The following GPC6 variants were observed in gnomAD, a reference collection of about 807,000 sequenced individuals.
GPC6 encodes the protein glypican-6.
GPC6 carries 14 observed loss-of-function variants against 55.2 expected under a neutral mutation model. The observed-to-expected ratio is 0.25, with a 90% CI of 0.17 to 0.40. GPC6 has a LOEUF of 0.40. Among genes scored for constraint, GPC6 ranks in the 10% least tolerant of loss-of-function variants. GPC6 has a pLI of 1.00. For synonymous variants in GPC6, 278 were observed against 259.6 expected (o/e 1.07, Z -0.68); for missense variants, 641 against 708.5 (o/e 0.90, Z 1.08).
chr13:94,178,882 G>C (rs1888886365), intron 4 of GPC6, among the ~76,000 whole-genome samples: 1 of 152,172 alleles, frequency 6.6e-6, no homozygotes, highest in Admixed American at 6.5e-5. Context: ...GAGTCCTCCT[G>C]CCTTGTTAGG....
At chr13:93,307,335 A>T (rs1427776878) in intron 1 of GPC6, among the ~76,000 whole-genome samples, 1 of 152,144 alleles carries the variant, frequency 6.6e-6, no homozygotes, top group Admixed American at 6.5e-5. Context: ...ATATATTAAT[A>T]TATCATTATC....
intron 2 of GPC6, among the ~76,000 whole-genome samples, chr13:93,685,249 C>T (rs1366687112): frequency 6.6e-6 from 1 of 152,188 alleles, no homozygotes; most frequent in Non-Finnish European, 1.5e-5. Context: ...AGCCAGGAAG[C>T]TTTGGCTGTT....
At chr13:93,843,531 G>A (rs528257342) in intron 3 of GPC6, among the ~76,000 whole-genome samples, 5 of 152,214 alleles carry the variant, frequency 3.3e-5, no homozygotes, top group African/African-American at 1.2e-4. Context: ...ATCTATGTCA[G>A]ATTAAAAACT....
intron 3 of GPC6, among the ~76,000 whole-genome samples, chr13:93,846,673 G>T (rs1055351091): frequency 6.6e-6 from 1 of 152,124 alleles, no homozygotes; most frequent in Non-Finnish European, 1.5e-5. Context: ...AATTAGCCAG[G>T]CATGATGGTG....
chr13:93,856,856 G>T (rs1210806339), intron 3 of GPC6, among the ~76,000 whole-genome samples: 1 of 151,536 alleles, frequency 6.6e-6, no homozygotes, highest in Non-Finnish European at 1.5e-5. Context: ...GGTTCATTGT[G>T]CCTCCATTTA....
At chr13:93,878,012 G>T (rs1264924948) in intron 3 of GPC6, among the ~76,000 whole-genome samples, 1 of 152,008 alleles carries the variant, frequency 6.6e-6, no homozygotes, top group Non-Finnish European at 1.5e-5. Context: ...TTATCTGGTA[G>T]GCAGAAGAAA....
chr13:93,393,127 T>TATATATAGAGAGAGAG (rs1230857277), intron 1 of GPC6, among the ~76,000 whole-genome samples: 1 of 87,612 alleles, frequency 1.1e-5, no homozygotes, highest in African/African-American at 3.9e-5. Context: ...TATATATATA[T>TATATATAGAGAGAGAG]AGAGAGAGAG....
chr13:94,241,213 T>C (rs1173939761), intron 4 of GPC6, among the ~76,000 whole-genome samples: 1 of 152,126 alleles, frequency 6.6e-6, no homozygotes, highest in African/African-American at 2.4e-5. Context: ...ACAGAAGATC[T>C]GCCATCACCT....
intron 4 of GPC6, among the ~76,000 whole-genome samples, chr13:94,060,792 C>T (rs925503555): frequency 1.3e-4 from 20 of 152,144 alleles, no homozygotes; most frequent in Non-Finnish European, 1.0e-4. Flanking sequence ...AGTCAAGTGT[C>T]TTCCTGGGAG....
intron 4 of GPC6, among the ~76,000 whole-genome samples, chr13:94,089,069 G>A (rs1297521037): frequency 6.6e-6 from 1 of 152,198 alleles, no homozygotes; most frequent in Non-Finnish European, 1.5e-5. Context: ...GGACATGAAA[G>A]TTGGCACCAA....
At chr13:94,396,905 G>T (rs903876990) in intron 7 of GPC6, among the ~76,000 whole-genome samples, 1 of 152,146 alleles carries the variant, frequency 6.6e-6, no homozygotes, top group Non-Finnish European at 1.5e-5. Flanking sequence ...TATTAGCTCT[G>T]TGACTTTGCA....
chr13:93,281,953 T>C (rs1017564375), intron 1 of GPC6, among the ~76,000 whole-genome samples: 1 of 152,232 alleles, frequency 6.6e-6, no homozygotes, highest in Non-Finnish European at 1.5e-5. Flanking sequence ...GTTTATTTCT[T>C]GACGCTGATG....
rs3138573 is a variant in GPC6 at position 94,326,205 on chromosome 13, G to GCACACACA, written c.1152+20107_1152+20114dup. Among the ~76,000 whole-genome samples, 627 of 147,884 alleles carry GCACACACA rather than the reference G, an allele frequency of 4.2e-3. 3 individuals are homozygous for GCACACACA. Among genetic ancestry groups the GCACACACA allele is most frequent in the African/African-American group, 0.01 (415 of 40,180 alleles). On this transcript the variant is annotated intron_variant, in intron 6 of 8. Coordinates refer to ENST00000377047, the MANE Select transcript of GPC6 (RefSeq NM_005708.5). ...GATCAGGTATTTTTGGTATGCTTGTGCACACACACACACACACACACACAC... is the reference window on the plus strand; with the variant it reads ...GATCAGGTATTTTTGGTATGCTTGTGCACACACACACACACACACACACACACACACAC...
chr13:93,495,865 G>A (rs1005315370), intron 1 of GPC6, among the ~76,000 whole-genome samples: 2 of 147,478 alleles, frequency 1.4e-5, no homozygotes, highest in Non-Finnish European at 3.0e-5. Context: ...CCCACTTGAG[G>A]AGGCAGTCTG....
At chr13:93,316,150 C>T (rs965492192) in intron 1 of GPC6, among the ~76,000 whole-genome samples, 1 of 151,994 alleles carries the variant, frequency 6.6e-6, no homozygotes, top group Non-Finnish European at 1.5e-5. Flanking sequence ...AATTCTTTAT[C>T]AGAATCATTT....
intron 1 of GPC6, among the ~76,000 whole-genome samples, chr13:93,516,771 G>A (rs1375695250): frequency 6.6e-6 from 1 of 152,100 alleles, no homozygotes; most frequent in African/African-American, 2.4e-5. Context: ...TGGGATGAAG[G>A]AAATTGGTAG....
intron 1 of GPC6, among the ~76,000 whole-genome samples, chr13:93,391,008 T>C (rs1875610876): frequency 6.6e-6 from 1 of 152,066 alleles, no homozygotes; most frequent in Admixed American, 6.6e-5. Flanking sequence ...TGGGGAAGAA[T>C]CTGCTTTATC....
At chr13:94,048,458 A>G (rs1247419966) in intron 4 of GPC6, among the ~76,000 whole-genome samples, 1 of 152,052 alleles carries the variant, frequency 6.6e-6, no homozygotes. Flanking sequence ...TTAAAAAAAG[A>G]GAGAGAAATA....
intron 1 of GPC6, among the ~76,000 whole-genome samples, chr13:93,367,910 T>A (rs1020278511): frequency 1.7e-4 from 26 of 152,106 alleles, no homozygotes; most frequent in African/African-American, 6.0e-4. Context: ...GTAATCTGCT[T>A]TGTTGGGTAT....
Sources: allele counts gnomAD v4.1 joint callset (sites outside exome capture counted in the v4.1 genomes callset), GRCh38; gene constraint gnomAD v4.1.1; transcripts MANE v1.5; gene names NCBI Gene and HGNC (gene_info 2026-07-23, HGNC 2026-07-21).